The following PTPRD variants were observed in gnomAD, a reference collection of about 807,000 sequenced individuals.
PTPRD encodes protein tyrosine phosphatase receptor type D.
PTPRD carries 34 observed loss-of-function variants against 214.5 expected under a neutral mutation model. The observed-to-expected ratio is 0.16, with a 90% CI of 0.12 to 0.21. The LOEUF (loss-of-function observed/expected upper bound fraction) is 0.21, where lower values mean the gene tolerates loss of function less well. Ranked by LOEUF, PTPRD falls within the 10% of genes least tolerant of loss-of-function variation. The pLI is 1.00. For synonymous variants in PTPRD, 1,128 were observed against 845.7 expected (o/e 1.33, Z -5.79); for missense variants, 2,545 against 2,398.7 (o/e 1.06, Z -1.27).
intron 11 of PTPRD, among the ~76,000 whole-genome samples, chr9:8,740,894 G>A (rs1420983511): frequency 6.6e-5 from 10 of 151,990 alleles, no homozygotes; most frequent in Non-Finnish European, 1.3e-4. Context: ...GAAATCAACT[G>A]AATTTTAAGA....
At chr9:9,004,005 T>G (rs545075617) in intron 11 of PTPRD, among the ~76,000 whole-genome samples, 1 of 152,186 alleles carries the variant, frequency 6.6e-6, no homozygotes, top group East Asian at 1.9e-4. Context: ...ATAAATCATT[T>G]GCTGCATTGC....
At chr9:9,625,424 G>A (rs1026470075) in intron 7 of PTPRD, among the ~76,000 whole-genome samples, 4 of 152,164 alleles carry the variant, frequency 2.6e-5, no homozygotes, top group Non-Finnish European at 1.5e-5. Flanking sequence ...TGTATTAATA[G>A]CACCAGCGTC....
intron 3 of PTPRD, among the ~76,000 whole-genome samples, chr9:10,172,597 T>C (rs1031458057): frequency 6.6e-6 from 1 of 152,206 alleles, no homozygotes; most frequent in African/African-American, 2.4e-5. Flanking sequence ...ATGCGGCTGG[T>C]TAACCTATTC....
At chr9:10,550,423 G>A (rs2061065307) in intron 2 of PTPRD, among the ~76,000 whole-genome samples, 1 of 152,142 alleles carries the variant, frequency 6.6e-6, no homozygotes, top group South Asian at 2.1e-4. Flanking sequence ...TTTAATTCCA[G>A]GAAACAGAAG....
intron 7 of PTPRD, among the ~76,000 whole-genome samples, chr9:9,658,851 T>C (rs900830512): frequency 6.6e-6 from 1 of 152,138 alleles, no homozygotes; most frequent in Non-Finnish European, 1.5e-5. Context: ...CTTGTTATTA[T>C]TGCTTATATT....
chr9:8,389,038 A>C (rs1262279889), intron 37 of PTPRD, among the ~76,000 whole-genome samples, 194 bp downstream of exon 37: 1 of 149,184 alleles, frequency 6.7e-6, no homozygotes, highest in Non-Finnish European at 1.5e-5. Flanking sequence ...AACATGGGAG[A>C]ATTTCTTTTG....
intron 12 of PTPRD, among the ~76,000 whole-genome samples, chr9:8,715,486 G>A (rs2098421781): frequency 6.6e-6 from 1 of 152,170 alleles, no homozygotes; most frequent in Non-Finnish European, 1.5e-5. Context: ...AAATATATAT[G>A]CTCAGAGAGG....
At chr9:9,938,787 C>A (rs1425164260) in intron 4 of PTPRD, among the ~76,000 whole-genome samples, 177 bp from the exon 5 acceptor site, 1 of 152,082 alleles carries the variant, frequency 6.6e-6, no homozygotes, top group Non-Finnish European at 1.5e-5. Context: ...AATATAGCAC[C>A]TGTATAAGTC....
chr9:9,529,646 C>T (rs775576163), intron 8 of PTPRD, among the ~76,000 whole-genome samples: 11 of 151,898 alleles, frequency 7.2e-5, no homozygotes, highest in Non-Finnish European at 1.5e-4. Context: ...CCAGATTTTA[C>T]TGAAGATAAA....
At chr9:10,570,726 A>T (rs1440417869) in intron 2 of PTPRD, among the ~76,000 whole-genome samples, 3 of 151,990 alleles carry the variant, frequency 2.0e-5, no homozygotes, top group African/African-American at 4.8e-5. Flanking sequence ...GATTTTCCCA[A>T]ATCTAGGACA....
chr9:9,436,495 C>G (rs2085306563), intron 8 of PTPRD, among the ~76,000 whole-genome samples: 1 of 152,028 alleles, frequency 6.6e-6, no homozygotes, highest in Non-Finnish European at 1.5e-5. Context: ...TAATTTCATC[C>G]TTGATTTTTG....
At chr9:9,240,395 G>A (rs1053443022) in intron 9 of PTPRD, among the ~76,000 whole-genome samples, 2 of 152,098 alleles carry the variant, frequency 1.3e-5, no homozygotes, top group Admixed American at 6.6e-5. Flanking sequence ...TTTCTAGGCT[G>A]GATGCAATGG....
At chr9:9,569,326 C>T (rs958896751) in intron 8 of PTPRD, among the ~76,000 whole-genome samples, 39 of 151,468 alleles carry the variant, frequency 2.6e-4, no homozygotes, top group African/African-American at 9.4e-4. Context: ...CAAAGTAAAG[C>T]TTACTTTAAA....
At chr9:10,447,052 T>G (rs2098805128) in intron 2 of PTPRD, among the ~76,000 whole-genome samples, 1 of 152,104 alleles carries the variant, frequency 6.6e-6, no homozygotes, top group Non-Finnish European at 1.5e-5. Context: ...ACATAGGTAT[T>G]GAGATTTAGT....
At chr9:9,462,630 T>G (rs1299605210) in intron 8 of PTPRD, among the ~76,000 whole-genome samples, 1 of 152,124 alleles carries the variant, frequency 6.6e-6, no homozygotes, top group Non-Finnish European at 1.5e-5. Flanking sequence ...CCTCGTTGTT[T>G]TGCAGATCCT....
chr9:9,741,349 C>A (rs1564903062), intron 6 of PTPRD, among the ~76,000 whole-genome samples: 1 of 112,658 alleles, frequency 8.9e-6, no homozygotes, highest in Non-Finnish European at 1.7e-5. Flanking sequence ...AATGAAATTT[C>A]AAAAATAGAA....
At chr9:8,524,832 G>T in intron 18 of PTPRD, 93 bp downstream of exon 18, 1 of 1,025,734 alleles carries the variant, frequency 9.7e-7, no homozygotes, top group Non-Finnish European at 1.5e-6. Flanking sequence ...AAACCAGCTT[G>T]TTAACTACTA....
At chr9:9,334,324 C>G (rs916945050) in intron 9 of PTPRD, among the ~76,000 whole-genome samples, 1 of 151,896 alleles carries the variant, frequency 6.6e-6, no homozygotes, top group South Asian at 2.1e-4. Flanking sequence ...GTATTTATGT[C>G]TAGGTGAAAG....
At chr9:9,488,550 T>C (rs2095758656) in intron 8 of PTPRD, among the ~76,000 whole-genome samples, 1 of 152,152 alleles carries the variant, frequency 6.6e-6, no homozygotes, top group East Asian at 1.9e-4. Context: ...ACCGTCCCAT[T>C]AGATTTTTAA....
Sources: allele counts gnomAD v4.1 joint callset (sites outside exome capture counted in the v4.1 genomes callset), GRCh38; gene constraint gnomAD v4.1.1; transcripts MANE v1.5; gene names NCBI Gene and HGNC (gene_info 2026-07-23, HGNC 2026-07-21).